TRHDE: variants seen among roughly 807,000 people sequenced by gnomAD.
TRHDE encodes the protein thyrotropin-releasing hormone-degrading ectoenzyme.
A neutral mutation model predicts 125.7 loss-of-function variants in TRHDE; 72 were observed. The observed-to-expected ratio is 0.57, with a 90% CI of 0.47 to 0.70. The LOEUF (loss-of-function observed/expected upper bound fraction) is 0.70. Among genes scored for constraint, TRHDE ranks in the 30% least tolerant of loss-of-function variants. TRHDE has a pLI of 0.00. For missense variants in TRHDE, 1,110 were observed against 1,327.1 expected (o/e 0.84, Z 2.54); for synonymous variants, 509 against 509.1 (o/e 1.00, Z 0.00).
intron 2 of TRHDE, among the ~76,000 whole-genome samples, chr12:72,163,640 A>G (rs980072628): frequency 1.3e-5 from 2 of 152,232 alleles, no homozygotes; most frequent in African/African-American, 4.8e-5. Context: ...TAGGCTGAGC[A>G]TCTGAGAGTA....
intron 2 of TRHDE, among the ~76,000 whole-genome samples, chr12:72,193,164 AG>A (rs1381526707): frequency 5.3e-5 from 8 of 152,082 alleles, no homozygotes; most frequent in Admixed American, 3.3e-4. Context: ...AAGAAAAAAA[AG>A]TTTGTCTTTA....
chr12:72,533,970 T>A (rs968119524), intron 6 of TRHDE, among the ~76,000 whole-genome samples: 4 of 152,108 alleles, frequency 2.6e-5, no homozygotes, highest in African/African-American at 9.7e-5. Flanking sequence ...TGAAAAAACA[T>A]ACGGCCTCAG....
chr12:72,539,529 A>G (rs1869039642), intron 6 of TRHDE, among the ~76,000 whole-genome samples: 1 of 151,880 alleles, frequency 6.6e-6, no homozygotes, highest in Non-Finnish European at 1.5e-5. Context: ...TGAGCCAGAC[A>G]TAGGAAGAGG....
At chr12:72,182,038 A>T (rs1049972255) in intron 2 of TRHDE, among the ~76,000 whole-genome samples, 9 of 152,336 alleles carry the variant, frequency 5.9e-5, no homozygotes, top group African/African-American at 2.2e-4. Flanking sequence ...ATTGAGAGCC[A>T]TCCTGTCACT....
chr12:72,154,889 T>G (rs1056023549), intron 2 of TRHDE, among the ~76,000 whole-genome samples: 9 of 152,146 alleles, frequency 5.9e-5, no homozygotes, highest in East Asian at 1.9e-4. Context: ...TGCTCTTCTC[T>G]AGGAGTATCT....
chr12:72,145,614 T>C lies in TRHDE; in HGVS notation n.279+39862T>C, dbSNP rs570660914. On this transcript the variant is annotated intron_variant and non_coding_transcript_variant, in intron 2 of 4. Coordinates refer to the TRHDE transcript ENST00000548156. ...GGGCTTGAAAGTAAAATACCATCTT[T>C]TAAAAAAATTGTGTTTTCATGACAC... is the stretch of plus-strand genomic sequence containing the variant. Among the ~76,000 whole-genome samples, 11 of 152,332 alleles carry C rather than the reference T, an allele frequency of 7.2e-5. No homozygotes were observed. In the South Asian group the frequency reaches 2.3e-3, roughly 32 times the overall value.
chr12:72,617,983 T>C (rs1196935574), intron 12 of TRHDE, among the ~76,000 whole-genome samples: 1 of 152,108 alleles, frequency 6.6e-6, no homozygotes, highest in Non-Finnish European at 1.5e-5. Flanking sequence ...ATAGCAAATA[T>C]CAATGCTGAA....
intron 6 of TRHDE, among the ~76,000 whole-genome samples, chr12:72,502,324 A>C (rs1332150677): frequency 6.6e-6 from 1 of 152,040 alleles, no homozygotes; most frequent in Non-Finnish European, 1.5e-5. Flanking sequence ...ACAACTTAGG[A>C]AATCTCCCAA....
chr12:72,287,419 G>A (rs1879930425), intron 2 of TRHDE, among the ~76,000 whole-genome samples: 1 of 152,102 alleles, frequency 6.6e-6, no homozygotes, highest in South Asian at 2.1e-4. Flanking sequence ...TAATGTTATT[G>A]CTGAGAAAGT....
chr12:72,224,221 C>A (rs1048815095), intron 2 of TRHDE, among the ~76,000 whole-genome samples: 32 of 148,058 alleles, frequency 2.2e-4, no homozygotes, highest in Non-Finnish European at 3.7e-4. Flanking sequence ...TATCATCTAT[C>A]TATGCATGTA....
chr12:72,102,358 A>G (rs2139289833), intron 1 of TRHDE, among the ~76,000 whole-genome samples: 1 of 152,266 alleles, frequency 6.6e-6, no homozygotes, highest in Middle Eastern at 3.4e-3. Flanking sequence ...GACTCTCCAC[A>G]CGTGGCAGAG....
chr12:72,166,395 A>G (rs1316487955), intron 2 of TRHDE, among the ~76,000 whole-genome samples: 1 of 152,100 alleles, frequency 6.6e-6, no homozygotes, highest in Non-Finnish European at 1.5e-5. Flanking sequence ...ATGCACACAC[A>G]TATACAATTA....
intron 3 of TRHDE, among the ~76,000 whole-genome samples, chr12:72,428,737 A>G (rs1278086941): frequency 6.6e-6 from 1 of 152,110 alleles, no homozygotes; most frequent in African/African-American, 2.4e-5. Flanking sequence ...TTTACAACCT[A>G]AAAAGGAAAC....
At chr12:72,541,003 G>C (rs747671111) in intron 6 of TRHDE, among the ~76,000 whole-genome samples, 8 of 151,574 alleles carry the variant, frequency 5.3e-5, no homozygotes, top group Non-Finnish European at 8.9e-5. Context: ...TCAAGTCCCA[G>C]AATTCTAACA....
At chr12:72,109,649 G>A (rs902313566) in intron 2 of TRHDE, among the ~76,000 whole-genome samples, 1 of 50,086 alleles carries the variant, frequency 2.0e-5, no homozygotes, top group African/African-American at 5.5e-5. Flanking sequence ...CAAAACAAAA[G>A]GTGAAAGGAA....
chr12:72,223,562 G>GT (rs1368508404), intron 2 of TRHDE, among the ~76,000 whole-genome samples: 2 of 151,974 alleles, frequency 1.3e-5, no homozygotes, highest in African/African-American at 2.4e-5. Context: ...CCCTTGTTCA[G>GT]TTTTTTTAAA....
upstream of TRHDE, chr12:72,272,058 C>T: frequency 2.2e-6 from 1 of 457,590 alleles, no homozygotes; most frequent in Non-Finnish European, 4.4e-6. This position sits in a 1 kb window ranked among gnomAD's most constrained non-coding sequence, Gnocchi z 6.7. Context: ...CCTCGGCCAT[C>T]CTTTTCTCTC....
chr12:72,223,920 T>A (rs1878049446), intron 2 of TRHDE, among the ~76,000 whole-genome samples: 1 of 151,988 alleles, frequency 6.6e-6, no homozygotes, highest in Non-Finnish European at 1.5e-5. Flanking sequence ...CCTATCATTT[T>A]TCTTACTTTT....
chr12:72,148,899 G>T (rs1876288955), intron 2 of TRHDE, among the ~76,000 whole-genome samples: 3 of 152,180 alleles, frequency 2.0e-5, no homozygotes, highest in Admixed American at 2.0e-4. Flanking sequence ...TATAGAAATT[G>T]CTGTGACTCT....
Sources: allele counts gnomAD v4.1 joint callset (sites outside exome capture counted in the v4.1 genomes callset), GRCh38; gene constraint gnomAD v4.1.1; non-coding constraint Gnocchi (gnomAD v3.1); transcripts MANE v1.5; gene names NCBI Gene and HGNC (gene_info 2026-07-23, HGNC 2026-07-21).